Variants in SDK1 observed in about 807,000 individuals in gnomAD.
The protein encoded by SDK1 is protein sidekick-1.
SDK1 carries 157 observed loss-of-function variants against 245.5 expected under a neutral mutation model. That is an observed-to-expected ratio of 0.64 (90% CI 0.56 to 0.73). The LOEUF (loss-of-function observed/expected upper bound fraction) is 0.73, where lower values mean the gene tolerates loss of function less well. SDK1 is among the 30% of genes least tolerant of loss of function. SDK1 has a pLI of 0.00. For synonymous variants in SDK1, 1,647 were observed against 1,278.5 expected (o/e 1.29, Z -6.15); for missense variants, 3,583 against 3,002.3 (o/e 1.19, Z -4.52).
chr7:3,616,329 G>A (rs1268340610), intron 1 of SDK1, among the ~76,000 whole-genome samples: 3 of 152,308 alleles, frequency 2.0e-5, no homozygotes, highest in East Asian at 1.9e-4. Context: ...GGACAGTCAC[G>A]CAACGATGAG....
chr7:3,862,930 T>C (rs1780730530), intron 5 of SDK1, among the ~76,000 whole-genome samples: 1 of 151,902 alleles, frequency 6.6e-6, no homozygotes, highest in Non-Finnish European at 1.5e-5. Context: ...GGGTTTGTGC[T>C]CCTATGGGAA....
Position 3,429,241 on chromosome 7 carries a change from A to AAAAAG in SDK1, c.298+127357_298+127358insAAAAG, listed in dbSNP as rs10693644. ...GAAGGCTGAGAAAAAATATGATAAA[A>AAAAAG]GGCTTTTTTTAAGTGCCTCTAAAAT... On this transcript the variant is annotated intron_variant, in intron 1 of 44. Coordinates refer to ENST00000404826, the MANE Select transcript of SDK1 (RefSeq NM_152744.4). Among the ~76,000 whole-genome samples, 161 of 151,550 alleles carry AAAAAG rather than the reference A, an allele frequency of 1.1e-3. 5 individuals are homozygous for AAAAAG. In the East Asian group the frequency reaches 0.026, roughly 24 times the overall value.
At chr7:4,001,374 A>C (rs1785061019) in intron 14 of SDK1, among the ~76,000 whole-genome samples, 1 of 152,252 alleles carries the variant, frequency 6.6e-6, no homozygotes, top group Non-Finnish European at 1.5e-5. Flanking sequence ...CTTCTCCAGC[A>C]CATAGGCCCA....
intron 4 of SDK1, among the ~76,000 whole-genome samples, chr7:3,738,428 A>G (rs553466136): frequency 7.9e-5 from 12 of 152,276 alleles, no homozygotes; most frequent in South Asian, 4.1e-4. Flanking sequence ...TGCCACTACT[A>G]TGCTGTTTTG....
At chr7:3,502,983 T>C (rs1407098928) in intron 1 of SDK1, among the ~76,000 whole-genome samples, 1 of 152,208 alleles carries the variant, frequency 6.6e-6, no homozygotes, top group Non-Finnish European at 1.5e-5. Flanking sequence ...TTTGTTGTTC[T>C]TGGAATTACT....
chr7:4,228,697 AC>A (rs1785577605), intron 40 of SDK1, among the ~76,000 whole-genome samples: 2 of 152,066 alleles, frequency 1.3e-5, no homozygotes, highest in Admixed American at 6.6e-5. Flanking sequence ...GTGCCATCAT[AC>A]CCAGCTAATT....
intron 1 of SDK1, among the ~76,000 whole-genome samples, chr7:3,432,503 A>C (rs1256976965): frequency 6.6e-6 from 1 of 152,218 alleles, no homozygotes; most frequent in African/African-American, 2.4e-5. Context: ...TGTAGTAGGA[A>C]GAAATAGTAG....
chr7:3,956,464 A>G (rs1227276890), intron 7 of SDK1, among the ~76,000 whole-genome samples: 1 of 152,158 alleles, frequency 6.6e-6, no homozygotes, highest in Non-Finnish European at 1.5e-5. Context: ...GTGGGGAAGT[A>G]CTAAGGGAAG....
intron 13 of SDK1, among the ~76,000 whole-genome samples, chr7:3,981,592 C>T (rs1474656573): frequency 6.6e-6 from 1 of 152,176 alleles, no homozygotes; most frequent in South Asian, 2.1e-4. Context: ...TAAAGTGCTC[C>T]AGGGAACACA....
At chr7:3,422,532 C>T (rs1214625686) in intron 1 of SDK1, among the ~76,000 whole-genome samples, 1 of 152,090 alleles carries the variant, frequency 6.6e-6, no homozygotes, top group Non-Finnish European at 1.5e-5. Flanking sequence ...GTGGCTCATG[C>T]CTGTAACCCT....
At chr7:4,134,378 T>C (rs1778907411) in intron 28 of SDK1, among the ~76,000 whole-genome samples, 1 of 152,124 alleles carries the variant, frequency 6.6e-6, no homozygotes, top group African/African-American at 2.4e-5. Flanking sequence ...ATGAGCCACA[T>C]CTGGTGCCTG....
intron 7 of SDK1, chr7:3,958,314 TA>T: frequency 3.6e-6 from 1 of 276,244 alleles, no homozygotes; most frequent in South Asian, 3.3e-5. Flanking sequence ...ATTCATTGTT[TA>T]ATACAACCAC....
At chr7:3,997,546 G>C (rs1403350830) in intron 14 of SDK1, among the ~76,000 whole-genome samples, 1 of 152,180 alleles carries the variant, frequency 6.6e-6, no homozygotes, top group Non-Finnish European at 1.5e-5. Flanking sequence ...GCAGAGAGAA[G>C]GCCTTGGAGA....
At chr7:3,470,500 T>A (rs1342000690) in intron 1 of SDK1, among the ~76,000 whole-genome samples, 1 of 152,218 alleles carries the variant, frequency 6.6e-6, no homozygotes, top group Non-Finnish European at 1.5e-5. Flanking sequence ...TAATGAGCTG[T>A]TAATTTAGAA....
At chr7:3,833,240 G>C (rs964360715) in intron 5 of SDK1, among the ~76,000 whole-genome samples, 1 of 152,178 alleles carries the variant, frequency 6.6e-6, no homozygotes, top group African/African-American at 2.4e-5. Context: ...GCTGACATAA[G>C]TCAGTAATGG....
chr7:3,355,110 C>A (rs185293738), intron 1 of SDK1, among the ~76,000 whole-genome samples: 1 of 152,294 alleles, frequency 6.6e-6, no homozygotes, highest in Non-Finnish European at 1.5e-5. Flanking sequence ...TCCATTGACA[C>A]ATCTTATTAA....
chr7:3,697,275 TTGTGTAG>T (rs1784601966), intron 4 of SDK1, among the ~76,000 whole-genome samples: 1 of 152,196 alleles, frequency 6.6e-6, no homozygotes, highest in East Asian at 1.9e-4. Context: ...ATATTGAAAT[TTGTGTAG>T]TGCTAATTAC....
chr7:3,625,886 G>C (rs1469399955), intron 2 of SDK1, among the ~76,000 whole-genome samples: 1 of 151,778 alleles, frequency 6.6e-6, no homozygotes, highest in East Asian at 1.9e-4. Context: ...GTTGACCACA[G>C]CAGCAGCTCA....
chr7:3,917,822 A>G lies in SDK1; in HGVS notation c.848-33101A>G, dbSNP rs1034131225. On this transcript the variant is annotated intron_variant, in intron 5 of 44. Coordinates refer to ENST00000404826, the MANE Select transcript of SDK1 (RefSeq NM_152744.4). ...TCTACACACATGCACATGTATGTAG[A>G]TAGCGTGGCAAGTGCATGCACACAC... is the stretch of plus-strand genomic sequence containing the variant. Among the ~76,000 whole-genome samples the G allele has an allele frequency of 3.9e-5, 6 of 152,162 alleles. No individual in the cohort carries two copies. In the South Asian group the frequency reaches 1.2e-3, roughly 31 times the overall value.
Sources: allele counts gnomAD v4.1 joint callset (sites outside exome capture counted in the v4.1 genomes callset), GRCh38; gene constraint gnomAD v4.1.1; transcripts MANE v1.5; gene names NCBI Gene and HGNC (gene_info 2026-07-23, HGNC 2026-07-21).